The following IMMP2L variants were observed in gnomAD, a reference collection of about 807,000 sequenced individuals.
IMMP2L encodes the protein inner mitochondrial membrane peptidase subunit 2, also known as mitochondrial inner membrane protease subunit 2.
In IMMP2L, 18 loss-of-function variants were observed where a neutral mutation model predicts 19.3. That is an observed-to-expected ratio of 0.93 (90% CI 0.64 to 1.38). The LOEUF (loss-of-function observed/expected upper bound fraction) is 1.38, where lower values mean the gene tolerates loss of function less well. Ranked by LOEUF, IMMP2L falls within the 40% of genes most tolerant of loss-of-function variation. IMMP2L has a pLI of 0.00. For missense variants in IMMP2L, 233 were observed against 218.2 expected, an observed-to-expected ratio of 1.07 and a Z score of -0.43; for synonymous variants, 76 against 73.0, an observed-to-expected ratio of 1.04 and a Z score of -0.21.
chr7:111,322,455 C>A (rs903971196), intron 3 of IMMP2L, among the ~76,000 whole-genome samples: 1 of 151,592 alleles, frequency 6.6e-6, no homozygotes, highest in African/African-American at 2.4e-5. Context: ...ACTTTCTGCT[C>A]CAAATCAATG....
At chr7:111,315,961 G>A (rs192481646) in intron 3 of IMMP2L, among the ~76,000 whole-genome samples, 139 of 152,154 alleles carry the variant, frequency 9.1e-4, no homozygotes, top group Non-Finnish European at 1.4e-3. Context: ...ATAATTGTGC[G>A]AACATCACAG....
At chr7:111,000,699 T>A (rs923937614) in intron 3 of IMMP2L, among the ~76,000 whole-genome samples, 1 of 151,874 alleles carries the variant, frequency 6.6e-6, no homozygotes, top group African/African-American at 2.4e-5. Context: ...CAAAAAGTAT[T>A]CTGGCGTGGT....
intron 3 of IMMP2L, among the ~76,000 whole-genome samples, chr7:111,091,971 C>G (rs779089929): frequency 2.0e-5 from 3 of 152,124 alleles, no homozygotes; most frequent in Non-Finnish European, 4.4e-5. Flanking sequence ...ACACATTATT[C>G]TCTGTTTTGA....
At chr7:110,847,087 G>C (rs10259851) in intron 5 of IMMP2L, among the ~76,000 whole-genome samples, 8,126 of 152,172 alleles carry the variant, frequency 0.053, 704 homozygotes, top group African/African-American at 0.18. Flanking sequence ...TTACATTTGT[G>C]TATCTCTAAC....
At chr7:111,343,978 G>A (rs147724863) in intron 3 of IMMP2L, among the ~76,000 whole-genome samples, 18 of 151,920 alleles carry the variant, frequency 1.2e-4, no homozygotes, top group African/African-American at 3.6e-4. Context: ...AAAAAGTCTC[G>A]GTATGAACCT....
At chr7:110,753,753 G>GTGTGTGTGTGTGTGGT in intron 5 of IMMP2L, among the ~76,000 whole-genome samples, 1 of 147,044 alleles carries the variant, frequency 6.8e-6, no homozygotes, top group Non-Finnish European at 1.5e-5. Context: ...GTGAGTGTGG[G>GTGTGTGTGTGTGTGGT]GTGTGTGTGT....
chr7:111,237,338 G>A (rs1237090243), intron 3 of IMMP2L, among the ~76,000 whole-genome samples: 1 of 151,982 alleles, frequency 6.6e-6, no homozygotes, highest in African/African-American at 2.4e-5. Flanking sequence ...ATAAAATTGT[G>A]TATTGTGTCC....
Position 111,316,997 on chromosome 7 carries a change from G to A in IMMP2L, c.239+170241C>T, listed in dbSNP as rs1016228397. Among the ~76,000 whole-genome samples the A allele has an allele frequency of 2.6e-5, 4 of 151,610 alleles. No homozygotes were observed. In the East Asian group the frequency reaches 7.8e-4, roughly 30 times the overall value. ...CTCAAGTAGCTGGGATTACAGGCAC[G>A]TGCAACCACGCCCAACTAATTTTTG... On this transcript the variant is annotated intron_variant, in intron 3 of 5. Transcript: ENST00000405709.
chr7:111,197,976 T>C lies in IMMP2L; in HGVS notation c.240-234411A>G, dbSNP rs539372097. Among the ~76,000 whole-genome samples the C allele has an allele frequency of 2.0e-5, 3 of 152,244 alleles. No individual in the cohort carries two copies. In the South Asian group the frequency reaches 6.2e-4, roughly 32 times the overall value. On this transcript the variant is annotated intron_variant, in intron 3 of 5. Coordinates refer to ENST00000405709, the MANE Select transcript of IMMP2L (RefSeq NM_032549.4). ...AGGAGGAAAAAACATTGACTAAATATAATTTAGAAATCAGTAGACAGATAA... is the reference window on the plus strand; with the variant it reads ...AGGAGGAAAAAACATTGACTAAATACAATTTAGAAATCAGTAGACAGATAA...
intron 3 of IMMP2L, among the ~76,000 whole-genome samples, chr7:111,393,155 T>C (rs1009318641): frequency 1.3e-5 from 2 of 152,036 alleles, no homozygotes; most frequent in African/African-American, 4.8e-5. Flanking sequence ...CTGAAGCTTT[T>C]TAAGGGCCCA....
intron 3 of IMMP2L, among the ~76,000 whole-genome samples, chr7:111,068,334 G>A: frequency 6.6e-6 from 1 of 152,114 alleles, no homozygotes; most frequent in East Asian, 1.9e-4. Context: ...AACTTTGACA[G>A]AGAAAAATAT....
At chr7:110,830,253 T>C (rs1305236106) in intron 5 of IMMP2L, among the ~76,000 whole-genome samples, 1 of 152,134 alleles carries the variant, frequency 6.6e-6, no homozygotes, top group African/African-American at 2.4e-5. Flanking sequence ...ACATGGGCCT[T>C]ATGCCTTTTT....
At chr7:111,087,442 C>T (rs867624327) in intron 3 of IMMP2L, among the ~76,000 whole-genome samples, 1 of 147,942 alleles carries the variant, frequency 6.8e-6, no homozygotes, top group Non-Finnish European at 1.5e-5. Context: ...GAGCAAGACT[C>T]CATCTTAAAA....
At chr7:111,424,999 TAGTCATTACATGA>T (rs537695206) in intron 3 of IMMP2L, among the ~76,000 whole-genome samples, 28 of 151,930 alleles carry the variant, frequency 1.8e-4, no homozygotes, top group Non-Finnish European at 3.4e-4. Flanking sequence ...TCCAGGTCAT[TAGTCATTACATGA>T]AGTCATTTTA....
intron 3 of IMMP2L, among the ~76,000 whole-genome samples, chr7:111,087,469 A>C (rs1033437212): frequency 6.6e-6 from 1 of 151,860 alleles, no homozygotes; most frequent in South Asian, 2.1e-4. Context: ...AAAAAAAAAA[A>C]AACAACGAAA....
intron 3 of IMMP2L, among the ~76,000 whole-genome samples, chr7:111,406,515 T>C (rs529414677): frequency 6.6e-6 from 1 of 152,176 alleles, no homozygotes; most frequent in Non-Finnish European, 1.5e-5. Context: ...AGGTGTGGCC[T>C]CTTGTTATAT....
intron 2 of IMMP2L, among the ~76,000 whole-genome samples, chr7:111,495,847 A>G (rs1417520936): frequency 6.6e-6 from 1 of 152,250 alleles, no homozygotes; most frequent in East Asian, 1.9e-4. Context: ...CAACCTTTTC[A>G]GGCTTATAAA....
chr7:111,181,257 C>G (rs1182394053), intron 3 of IMMP2L, among the ~76,000 whole-genome samples: 1 of 151,998 alleles, frequency 6.6e-6, no homozygotes, highest in Non-Finnish European at 1.5e-5. Context: ...GCAATATCTT[C>G]ATGTGACTTT....
chr7:110,688,799 C>T (rs532174722), intron 5 of IMMP2L, among the ~76,000 whole-genome samples: 1 of 152,114 alleles, frequency 6.6e-6, no homozygotes, highest in South Asian at 2.1e-4. Flanking sequence ...TTTGGGACTG[C>T]TTTTAAAAGG....
Sources: gnomAD v4.1 joint callset for allele counts (sites outside exome capture counted in the v4.1 genomes callset) on GRCh38, gnomAD v4.1.1 for gene constraint, MANE v1.5 for transcripts, NCBI Gene and HGNC (gene_info 2026-07-23, HGNC 2026-07-21) for gene names.